Variants in CCDC88C observed in about 807,000 individuals in gnomAD.
CCDC88C encodes the protein protein Daple.
In CCDC88C, 131 loss-of-function variants were observed where a neutral mutation model predicts 198.8. The observed-to-expected ratio is 0.66, with a 90% CI of 0.57 to 0.76. CCDC88C has a LOEUF of 0.76. Ranked by LOEUF, CCDC88C falls within the 30% of genes least tolerant of loss-of-function variation. The pLI is 0.00. For synonymous variants in CCDC88C, 1,166 were observed against 1,114.7 expected (o/e 1.05, Z -0.92); for missense variants, 2,553 against 2,631.6 (o/e 0.97, Z 0.65).
At chr14:91,386,981 T>C (rs1194534419) in intron 3 of CCDC88C, among the ~76,000 whole-genome samples, 3 of 152,188 alleles carry the variant, frequency 2.0e-5, no homozygotes, top group Non-Finnish European at 4.4e-5. Flanking sequence ...CCAGCACCAT[T>C]CTAAGTATTT....
intron 3 of CCDC88C, among the ~76,000 whole-genome samples, chr14:91,368,531 C>T (rs116918144): frequency 1.2e-3 from 182 of 152,210 alleles, no homozygotes; most frequent in Non-Finnish European, 2.3e-3. Context: ...TTTTAAATTC[C>T]TAAACTACAG....
At chr14:91,396,023 G>A (rs1313614211) in intron 3 of CCDC88C, among the ~76,000 whole-genome samples, 4 of 152,040 alleles carry the variant, frequency 2.6e-5, no homozygotes, top group Admixed American at 1.3e-4. Flanking sequence ...TCCTTCCCTC[G>A]ACATTCCTCT....
chr14:91,362,804 C>T (rs1275971727), intron 3 of CCDC88C, among the ~76,000 whole-genome samples: 2 of 151,962 alleles, frequency 1.3e-5, no homozygotes, highest in African/African-American at 4.8e-5. Context: ...TGGCGGGTGC[C>T]TGTAGTCCCA....
At chr14:91,283,024 G>A (rs1404408511) in intron 26 of CCDC88C, among the ~76,000 whole-genome samples, 1 of 152,222 alleles carries the variant, frequency 6.6e-6, no homozygotes, top group African/African-American at 2.4e-5. Context: ...CCCAAACTCT[G>A]GTTCTCAGCC....
intron 21 of CCDC88C, among the ~76,000 whole-genome samples, chr14:91,298,599 G>C (rs550166733): frequency 6.6e-6 from 1 of 152,170 alleles, no homozygotes; most frequent in Admixed American, 6.5e-5. Context: ...AAACATTCAG[G>C]TTCTCTTAAA....
intron 27 of CCDC88C, chr14:91,279,649 A>T: frequency 5.0e-6 from 1 of 200,502 alleles, no homozygotes. Flanking sequence ...GGTGAACCAG[A>T]GGTTGAGGTT....
chr14:91,297,323 C>G lies in CCDC88C; in HGVS notation c.3948G>C (p.Lys1316Asn), dbSNP rs1343661169. Reference protein sequence around the residue: ...QHQTMDISLTKLDNHCELLSR... With the variant: ...QHQTMDISLTNLDNHCELLSR... ...GCCTCACCTCACAGTGGTTGTCCAG[C>G]TTGGTCAGCGAGATGTCCATGGTCT... The change falls in exon 22 of 30, where the codon AAG becomes AAC. Residue 1316 changes from lysine to asparagine, a missense_variant. Lys to Asn is a moderately conservative substitution (Grantham distance 94). Around this residue, in one of 2 missense-constraint regions of CCDC88C, gnomAD observed 1,293 missense variants for 1,219.6 expected, o/e 1.06. Coordinates refer to ENST00000389857, the MANE Select transcript of CCDC88C (RefSeq NM_001080414.4). 2.5e-6 allele frequency: 4 copies of G among 1,613,416 alleles called. No homozygotes were observed. In the African/African-American group the frequency reaches 5.3e-5, roughly 21 times the overall value.
Position 91,273,363 on chromosome 14 carries a change from C to G in CCDC88C, c.5349G>C (p.Arg1783=), listed in dbSNP as rs1264558734. ...PPQSLSLGRP[R]QAPVPPASHA... is the part of the protein sequence containing the mutation. ...GGGAAGCTGGGGGCACCGGAGCCTG[C>G]CGGGGTCTGCCCAGAGACAGGCTCT... Residue 1783 remains arginine, a synonymous_variant, in exon 30 of 30, where the codon CGG becomes CGC. Coordinates refer to ENST00000389857, the MANE Select transcript of CCDC88C (RefSeq NM_001080414.4). This position sits in a 1 kb window ranked among gnomAD's most constrained non-coding sequence, Gnocchi z 5.6. The G allele has an allele frequency of 6.5e-7, 1 of 1,532,226 alleles. No homozygotes were observed. The highest frequency in any genetic ancestry group is 2.0e-5 in the Admixed American group (1 of 49,134). 94.9% of individuals were successfully genotyped at this position (1,532,226 alleles called of 1,614,324 possible). A position where few individuals can be genotyped will look rare whatever the true frequency, so the allele number is the denominator to read the frequency against.
rs531250790 is a variant in CCDC88C, at chr14:91,381,402, C to T, written c.271-21691G>A. Among the ~76,000 whole-genome samples the T allele has an allele frequency of 6.6e-6, 1 of 152,370 alleles. No homozygotes were observed. Among genetic ancestry groups the T allele is most frequent in the South Asian group, 2.1e-4 (1 of 4,824 alleles). On this transcript the variant is annotated intron_variant, in intron 3 of 29. Transcript: ENST00000389857. The surrounding 1 kb of genome is among the most constrained non-coding windows in gnomAD (Gnocchi z 4.2). ...TAGGATGTGATCTTCTCTATATTCTCTATGCCCACGAAAGTTGCATCCTCT... is the reference window on the plus strand; with the variant it reads ...TAGGATGTGATCTTCTCTATATTCTTTATGCCCACGAAAGTTGCATCCTCT...
At position 91,281,575 on chromosome 14, in the gene CCDC88C, C is replaced by T. The variant is rs74962163; in HGVS notation, c.4631-50G>A. On this transcript the variant is annotated intron_variant, in intron 26 of 29. Coordinates refer to ENST00000389857, the MANE Select transcript of CCDC88C (RefSeq NM_001080414.4). Reference sequence around the variant, plus strand: ...GTCATGGTTACGGAACATGCCTCATCCACAGGGAACCCCGCCACCTCGCCT... The same window carrying T: ...GTCATGGTTACGGAACATGCCTCATTCACAGGGAACCCCGCCACCTCGCCT... 9.6e-3 allele frequency: 14,943 copies of T among 1,556,856 alleles called. 170 individuals carry two copies. Among genetic ancestry groups the T allele is most frequent in the South Asian group, 0.021 (1,862 of 89,430 alleles).
intron 3 of CCDC88C, among the ~76,000 whole-genome samples, chr14:91,399,055 T>TG (rs1358112974): frequency 2.0e-5 from 3 of 152,158 alleles, no homozygotes; most frequent in African/African-American, 7.2e-5. Context: ...TCCTCCCACT[T>TG]GGGGGACTCC....
intron 3 of CCDC88C, among the ~76,000 whole-genome samples, chr14:91,365,696 C>A (rs1396444418): frequency 1.3e-5 from 2 of 152,134 alleles, no homozygotes; most frequent in South Asian, 4.1e-4. Context: ...AGTATGTAGA[C>A]CCCAACTCTG....
At chr14:91,292,396 T>A (rs753328742) in intron 23 of CCDC88C, among the ~76,000 whole-genome samples, 2 of 152,088 alleles carry the variant, frequency 1.3e-5, no homozygotes, top group Non-Finnish European at 2.9e-5. Context: ...CTCCTATACT[T>A]CTTCCAGTTA....
At chr14:91,370,212 G>T (rs1191835785) in intron 3 of CCDC88C, among the ~76,000 whole-genome samples, 1 of 152,158 alleles carries the variant, frequency 6.6e-6, no homozygotes, top group Non-Finnish European at 1.5e-5. Context: ...TCTGTACCAG[G>T]ATCAGGACTC....
At chr14:91,274,409 A>T (rs1889871725) in intron 29 of CCDC88C, among the ~76,000 whole-genome samples, 1 of 152,226 alleles carries the variant, frequency 6.6e-6, no homozygotes, top group Non-Finnish European at 1.5e-5. Flanking sequence ...AGAGCCACAG[A>T]GGCAAGGGTC....
rs181312335 is a variant in CCDC88C at position 91,296,753 on chromosome 14, T to C, written c.3966+552A>G. Among the ~76,000 whole-genome samples, 181 of 152,242 alleles carry C rather than the reference T, an allele frequency of 1.2e-3. 2 individuals are homozygous for C. The highest frequency in any genetic ancestry group is 4.2e-3 in the African/African-American group (173 of 41,540). On this transcript the variant is annotated intron_variant, in intron 22 of 29. Coordinates refer to ENST00000389857, the MANE Select transcript of CCDC88C (RefSeq NM_001080414.4). ...CCCTGGGGCTGTCTAGGAGGTGGGG[T>C]GAGACCTACGTGCTCCTCCCTGCCA... is the stretch of plus-strand genomic sequence containing the variant.
At chr14:91,346,427 G>A (rs1242577051) in intron 4 of CCDC88C, among the ~76,000 whole-genome samples, 1 of 152,142 alleles carries the variant, frequency 6.6e-6, no homozygotes, top group Non-Finnish European at 1.5e-5. Context: ...TCTCCTGCTA[G>A]TAAGTGTAGA....
chr14:91,345,190 A>ATATATATATATTTTTT (rs1246878587), intron 4 of CCDC88C, among the ~76,000 whole-genome samples: 1 of 52,204 alleles, frequency 1.9e-5, no homozygotes, highest in African/African-American at 7.9e-5. Flanking sequence ...ATATATATAT[A>ATATATATATATTTTTT]TTTTTTTTTT....
intron 29 of CCDC88C, among the ~76,000 whole-genome samples, chr14:91,275,576 C>G (rs970758349): frequency 4.0e-5 from 6 of 151,380 alleles, no homozygotes; most frequent in Non-Finnish European, 5.9e-5. Context: ...CTCTCGGGTT[C>G]AAGAGATTCT....
Sources: allele counts gnomAD v4.1 joint callset (sites outside exome capture counted in the v4.1 genomes callset), GRCh38; gene constraint gnomAD v4.1.1; regional missense constraint gnomAD v4.1.1; non-coding constraint Gnocchi (gnomAD v3.1); transcripts MANE v1.5; gene names NCBI Gene and HGNC (gene_info 2026-07-23, HGNC 2026-07-21).